GCNT1: variants seen among roughly 807,000 people sequenced by gnomAD.
GCNT1 encodes beta-1,3-galactosyl-O-glycosyl-glycoprotein beta-1,6-N-acetylglucosaminyltransferase.
A neutral mutation model predicts 26.2 loss-of-function variants in GCNT1; 16 were observed. The observed-to-expected ratio is 0.61, with a 90% CI of 0.41 to 0.93. GCNT1 has a LOEUF of 0.93. Ranked by LOEUF, GCNT1 falls within the 40% of genes least tolerant of loss-of-function variation. The pLI is 0.00. For synonymous variants in GCNT1, 183 were observed against 190.8 expected (o/e 0.96, Z 0.34); for missense variants, 477 against 526.7 (o/e 0.91, Z 0.92).
At chr9:76,395,411 G>C in the GCNT1 span, among the ~76,000 whole-genome samples, 1 of 151,604 alleles carries the variant, frequency 6.6e-6, no homozygotes, top group Non-Finnish European at 1.5e-5. Context: ...TCTCTGATAA[G>C]ATTTACCTGA....
chr9:76,434,709 G>A (rs1215421771), intron 1 of GCNT1, among the ~76,000 whole-genome samples: 1 of 152,196 alleles, frequency 6.6e-6, no homozygotes, highest in Non-Finnish European at 1.5e-5. Context: ...GGGGCAAAAA[G>A]AGCCATATTT....
intron 1 of GCNT1, among the ~76,000 whole-genome samples, chr9:76,433,658 A>G (rs1175541535): frequency 6.6e-6 from 1 of 152,200 alleles, no homozygotes; most frequent in African/African-American, 2.4e-5. Flanking sequence ...AGCCAGGCAC[A>G]GTTTGGCAGG....
At chr9:76,413,653 G>GTTTTTGTTTTTTTGTTTTGTTTT in the GCNT1 span, among the ~76,000 whole-genome samples, 2 of 118,656 alleles carry the variant, frequency 1.7e-5, no homozygotes, top group African/African-American at 3.1e-5. Flanking sequence ...GTTTTGTTTT[G>GTTTTTGTTTTTTTGTTTTGTTTT]TTTTTTTTTT....
At chr9:76,401,176 T>C in the GCNT1 span, among the ~76,000 whole-genome samples, 2 of 152,236 alleles carry the variant, frequency 1.3e-5, no homozygotes, top group African/African-American at 4.8e-5. Flanking sequence ...TCTTCAGAAT[T>C]CTACCTTGGA....
In GCNT1 at chr9:76,504,596, G is replaced by C; in HGVS notation, c.*928G>C. ...AGGTTTGAGGGGCTGGGGAGTGGGA[G>C]GGGGGAGAAAAGGAATGTATTTAAA... On this transcript the variant is annotated 3_prime_UTR_variant, in exon 4 of 4. Transcript: ENST00000376730. The C allele has an allele frequency of 2.4e-6, 1 of 408,900 alleles. No individual in the cohort carries two copies. The highest frequency in any genetic ancestry group is 3.6e-5 in the East Asian group (1 of 27,932). 25.3% of individuals were successfully genotyped at this position (408,900 alleles called of 1,614,324 possible).
chr9:76,444,853 G>A (rs1378333657), intron 1 of GCNT1, among the ~76,000 whole-genome samples: 1 of 152,218 alleles, frequency 6.6e-6, no homozygotes, highest in African/African-American at 2.4e-5. Flanking sequence ...CCTGACCACA[G>A]CAAGGGGGAA....
At chr9:76,416,580 C>T (rs892862718), upstream of GCNT1, among the ~76,000 whole-genome samples, 1 of 152,222 alleles carries the variant, frequency 6.6e-6, no homozygotes, top group Admixed American at 6.5e-5. Flanking sequence ...CGCTCCCCCT[C>T]CTGCAAGGGG....
intron 1 of GCNT1, among the ~76,000 whole-genome samples, chr9:76,446,101 T>G (rs1178239574): frequency 6.6e-6 from 1 of 152,194 alleles, no homozygotes; most frequent in Non-Finnish European, 1.5e-5. Context: ...GAACAATTTC[T>G]CTGTGGAAGA....
intron 2 of GCNT1, among the ~76,000 whole-genome samples, chr9:76,478,338 C>T (rs769828501): frequency 1.3e-5 from 2 of 152,218 alleles, no homozygotes; most frequent in Admixed American, 6.5e-5. Flanking sequence ...CAAAGAACTC[C>T]GGGCATGCCA....
At chr9:76,440,047 G>A (rs931147947), upstream of GCNT1, among the ~76,000 whole-genome samples, 1 of 151,274 alleles carries the variant, frequency 6.6e-6, no homozygotes, top group African/African-American at 2.4e-5. Context: ...GTTGCAGTGA[G>A]CCGAAATCCC....
At chr9:76,489,995 A>G (rs1050377898) in intron 2 of GCNT1, among the ~76,000 whole-genome samples, 11 of 152,228 alleles carry the variant, frequency 7.2e-5, no homozygotes, top group African/African-American at 2.7e-4. Flanking sequence ...AGAGGAAACA[A>G]ATTTGACAAG....
chr9:76,448,218 G>C (rs535715597), intron 1 of GCNT1, among the ~76,000 whole-genome samples: 1 of 152,208 alleles, frequency 6.6e-6, no homozygotes, highest in Non-Finnish European at 1.5e-5. Context: ...CTGGGAGCCC[G>C]AGGCAGGCGG....
chr9:76,398,812 C>T, the GCNT1 span: 5,205 of 1,382,800 alleles, frequency 3.8e-3, 8 homozygotes, highest in Non-Finnish European at 4.8e-3. Context: ...AACAGTACAT[C>T]TGTAAAAGGA....
chr9:76,397,007 C>T, the GCNT1 span, among the ~76,000 whole-genome samples: 2 of 152,078 alleles, frequency 1.3e-5, no homozygotes, highest in Non-Finnish European at 2.9e-5. Flanking sequence ...ATAGGCCGGG[C>T]GCAGTGGCTC....
chr9:76,412,541 T>C, the GCNT1 span, among the ~76,000 whole-genome samples: 1 of 152,228 alleles, frequency 6.6e-6, no homozygotes, highest in African/African-American at 2.4e-5. Flanking sequence ...GATACACAAT[T>C]CTAGTTGGGA....
intron 2 of GCNT1, among the ~76,000 whole-genome samples, chr9:76,478,175 G>C (rs1314760979): frequency 1.3e-5 from 2 of 152,180 alleles, no homozygotes; most frequent in Non-Finnish European, 2.9e-5. Flanking sequence ...AACCTGCTCA[G>C]GTATCCTTCC....
chr9:76,468,892 T>C (rs577903249), intron 2 of GCNT1, among the ~76,000 whole-genome samples: 105 of 152,228 alleles, frequency 6.9e-4, no homozygotes, highest in African/African-American at 2.2e-3. Context: ...TGCCAAAAAA[T>C]ATTGTACATT....
chr9:76,440,842 G>T (rs1367560896), upstream of GCNT1, among the ~76,000 whole-genome samples: 20 of 151,914 alleles, frequency 1.3e-4, no homozygotes, highest in Admixed American at 1.1e-3. Context: ...GAGGCGGGTG[G>T]ATCACAAGGT....
chr9:76,455,001 C>T (rs1170467820), upstream of GCNT1, among the ~76,000 whole-genome samples: 2 of 151,798 alleles, frequency 1.3e-5, no homozygotes, highest in African/African-American at 2.4e-5. Flanking sequence ...GCGTGCACCA[C>T]CACGCCTGGA....
Sources: gnomAD v4.1 joint callset for allele counts (sites outside exome capture counted in the v4.1 genomes callset) on GRCh38, gnomAD v4.1.1 for gene constraint, MANE v1.5 for transcripts, NCBI Gene and HGNC (gene_info 2026-07-23, HGNC 2026-07-21) for gene names.